The following CSNK2A1 variants were observed in gnomAD, a reference collection of about 807,000 sequenced individuals.
The protein encoded by CSNK2A1 is casein kinase II subunit alpha.
A neutral mutation model predicts 62.9 loss-of-function variants in CSNK2A1; 10 were observed. That is an observed-to-expected ratio of 0.16 (90% CI 0.10 to 0.27). The LOEUF (loss-of-function observed/expected upper bound fraction) is 0.27. CSNK2A1 is among the 10% of genes least tolerant of loss of function. The pLI, the probability that CSNK2A1 is intolerant of heterozygous loss-of-function variation, is 1.00. For synonymous variants in CSNK2A1, 124 were observed against 167.8 expected, an observed-to-expected ratio of 0.74 and a Z score of 2.02; for missense variants, 160 against 492.0, an observed-to-expected ratio of 0.33 and a Z score of 6.38.
chr20:525,513 T>C (rs1358515478), intron 2 of CSNK2A1, among the ~76,000 whole-genome samples: 2 of 151,356 alleles, frequency 1.3e-5, no homozygotes, highest in African/African-American at 4.9e-5. Context: ...TAGCTGGGCA[T>C]GGTGGCGGGC....
Position 489,768 on chromosome 20 carries a change from A to G in CSNK2A1, c.723+12T>C. ...GGCCAGTACATTTTTCAATGGGTAT[A>G]ACATATATTACCTGATCATAATTGT... On this transcript the variant is annotated intron_variant, in intron 10 of 13. Coordinates refer to ENST00000217244, the MANE Select transcript of CSNK2A1 (RefSeq NM_177559.3). The G allele has an allele frequency of 1.9e-6, 3 of 1,606,298 alleles. No individual in the cohort carries two copies. Among genetic ancestry groups the G allele is most frequent in the Non-Finnish European group, 2.6e-6 (3 of 1,173,716 alleles).
intron 2 of CSNK2A1, among the ~76,000 whole-genome samples, chr20:514,476 A>G (rs536986316): frequency 6.6e-6 from 1 of 152,186 alleles, no homozygotes; most frequent in African/African-American, 2.4e-5. Flanking sequence ...GCTGTCACCC[A>G]GGCTGGAGTG....
At chr20:522,926 C>T (rs996947558) in intron 2 of CSNK2A1, among the ~76,000 whole-genome samples, 2 of 152,138 alleles carry the variant, frequency 1.3e-5, no homozygotes, top group Non-Finnish European at 2.9e-5. Context: ...TCCTCCCCAC[C>T]ACGGCCTCCA....
At chr20:524,021 T>G (rs539578496) in intron 2 of CSNK2A1, among the ~76,000 whole-genome samples, 7 of 151,992 alleles carry the variant, frequency 4.6e-5, no homozygotes, top group Non-Finnish European at 7.4e-5. Context: ...TCTATGTATG[T>G]ATTAAAATTC....
chr20:527,001 C>CAGACAGACAGACAGAGAG (rs1197678638), intron 2 of CSNK2A1: 1 of 97,812 alleles, frequency 1.0e-5, no homozygotes, highest in South Asian at 4.1e-4. Context: ...GAGAGACAGA[C>CAGACAGACAGACAGAGAG]AGAGAGAGAG....
chr20:536,137 G>A (rs1340822058), intron 1 of CSNK2A1, among the ~76,000 whole-genome samples: 1 of 152,050 alleles, frequency 6.6e-6, no homozygotes, highest in South Asian at 2.1e-4. Context: ...TACACTGGGC[G>A]TGACTTACAT....
At chr20:485,100 AAAAAAAAAAATATATATAT>A (rs1830999041) in intron 13 of CSNK2A1, among the ~76,000 whole-genome samples, 5 of 54,294 alleles carry the variant, frequency 9.2e-5, no homozygotes, top group Non-Finnish European at 1.4e-4. Context: ...AAAAAAAAAA[AAAAAAAAAAATATATATAT>A]ATATATATAT....
rs1033578439 is a variant in CSNK2A1, at chr20:482,382, T to C, written c.*1579A>G. The C allele has an allele frequency of 3.9e-5, 6 of 152,198 alleles. No homozygotes were observed. Among genetic ancestry groups the C allele is most frequent in the Admixed American group, 1.3e-4 (2 of 15,284 alleles). The allele number at this position is 152,198 out of a possible 1,614,324, so 9.4% of individuals were successfully genotyped here. ...ACCTGATAAACTTAGGTGGTTGGAT[T>C]ACAGTGGAAAGTCCACTTTACACAC... On this transcript the variant is annotated 3_prime_UTR_variant, in exon 14 of 14. Transcript: ENST00000217244.
In CSNK2A1 at chr20:487,521, G is replaced by A. The variant is rs1373585592; in HGVS notation, c.879C>T (p.Val293=). The A allele has an allele frequency of 6.2e-7, 1 of 1,614,202 alleles. No homozygotes were observed. The highest frequency in any genetic ancestry group is 2.2e-5 in the East Asian group (1 of 44,882). Residue 293 remains valine, a synonymous_variant, in exon 12 of 14, where the codon GTC becomes GTT. Transcript: ENST00000217244. The part of the protein sequence containing the change: ...RFVHSENQHL[V]SPEALDFLDK... ...CCAGGAAATCCAAGGCCTCAGGGCT[G>A]ACAAGGTGCTGATTTTCACTGTGGA... is the stretch of plus-strand genomic sequence containing the variant.
chr20:532,911 C>T (rs867478371), intron 1 of CSNK2A1, among the ~76,000 whole-genome samples: 20 of 152,262 alleles, frequency 1.3e-4, no homozygotes, highest in African/African-American at 4.3e-4. Flanking sequence ...TACCCTAGCT[C>T]AGAAGGATAA....
rs763918843 is a variant in CSNK2A1, at chr20:487,527, G to C, written c.873C>G (p.His291Gln). ...AATCCAAGGCCTCAGGGCTGACAAGGTGCTGATTTTCACTGTGGACAAAGC... is the reference window on the plus strand; with the variant it reads ...AATCCAAGGCCTCAGGGCTGACAAGCTGCTGATTTTCACTGTGGACAAAGC... Reference protein sequence around the residue: ...WERFVHSENQHLVSPEALDFL... With the variant: ...WERFVHSENQQLVSPEALDFL... Residue 291 changes from histidine (H) to glutamine (Q), a missense_variant, in exon 12 of 14, where the codon CAC becomes CAG. This residue lies in a region of CSNK2A1 where 94 missense variants were observed against 357.6 expected (regional missense o/e 0.26). Transcript: ENST00000217244. 1.9e-6 allele frequency: 3 copies of C among 1,614,206 alleles called. No individual in the cohort carries two copies. The highest frequency in any genetic ancestry group is 1.1e-5 in the South Asian group (1 of 91,084).
chr20:530,797 A>C (rs1257728930), intron 1 of CSNK2A1, among the ~76,000 whole-genome samples: 2 of 152,112 alleles, frequency 1.3e-5, no homozygotes, highest in Non-Finnish European at 2.9e-5. Flanking sequence ...TAAAAAGTAA[A>C]TCAGGGGCCA....
intron 1 of CSNK2A1, among the ~76,000 whole-genome samples, chr20:534,795 G>A (rs998220061): frequency 6.6e-6 from 1 of 151,494 alleles, no homozygotes; most frequent in Admixed American, 6.6e-5. Context: ...TTGGGAGGCC[G>A]AGATGGGTGG....
intron 8 of CSNK2A1, chr20:492,614 ATGTCCCTAC>A: frequency 4.2e-6 from 2 of 471,266 alleles, no homozygotes; most frequent in Non-Finnish European, 7.6e-6. Context: ...AATGACTAAA[ATGTCCCTAC>A]TACCCAGCCT....
chr20:523,172 GA>G (rs1464498037), intron 2 of CSNK2A1, among the ~76,000 whole-genome samples: 1 of 152,208 alleles, frequency 6.6e-6, no homozygotes, highest in Non-Finnish European at 1.5e-5. Context: ...AGGAAAAACT[GA>G]AACTCATACA....
chr20:486,516 T>C, intron 12 of CSNK2A1, 54 bp from the exon 13 acceptor site: 5 of 1,595,732 alleles, frequency 3.1e-6, no homozygotes, highest in Non-Finnish European at 3.4e-6. Context: ...ATTAAACTAA[T>C]GGTCTGGAAG....
chr20:510,639 G>A (rs2018699813), intron 2 of CSNK2A1, among the ~76,000 whole-genome samples: 1 of 152,154 alleles, frequency 6.6e-6, no homozygotes, highest in Non-Finnish European at 1.5e-5. Context: ...GATAAAACAA[G>A]CTGGGTAAAA....
chr20:508,776 C>G lies in CSNK2A1; in HGVS notation c.-109-116G>C, dbSNP rs538631503. The G allele has an allele frequency of 1.5e-4, 68 of 463,212 alleles. No individual in the cohort carries two copies. In the East Asian group the frequency reaches 2.4e-3, roughly 16 times the overall value. 28.7% of individuals were successfully genotyped at this position (463,212 alleles called of 1,614,324 possible). A position where few individuals can be genotyped will look rare whatever the true frequency, so the allele number is the denominator to read the frequency against. ...ATACCTCTGGCTCTCCTACCTACAG[C>G]CAATAAATATAGCTCAACTGTGTTA... On this transcript the variant is annotated intron_variant, in intron 2 of 13. Coordinates refer to ENST00000217244, the MANE Select transcript of CSNK2A1 (RefSeq NM_177559.3).
chr20:525,151 TAGAG>T (rs1344110430), intron 2 of CSNK2A1, among the ~76,000 whole-genome samples: 1 of 151,930 alleles, frequency 6.6e-6, no homozygotes, highest in East Asian at 1.9e-4. Context: ...ACATAGGCTA[TAGAG>T]AGTTTGTTCA....
Sources: gnomAD v4.1 joint callset for allele counts (sites outside exome capture counted in the v4.1 genomes callset) on GRCh38, gnomAD v4.1.1 for gene constraint, gnomAD v4.1.1 regional missense constraint, MANE v1.5 for transcripts, NCBI Gene and HGNC (gene_info 2026-07-23, HGNC 2026-07-21) for gene names.